The following CDH18 variants were observed in gnomAD, a reference collection of about 807,000 sequenced individuals.
CDH18 encodes cadherin 18, also known as cadherin-18.
A neutral mutation model predicts 67.9 loss-of-function variants in CDH18; 31 were observed. The observed-to-expected ratio is 0.46, with a 90% CI of 0.34 to 0.62. The LOEUF is 0.62. Ranked by LOEUF, CDH18 falls within the 20% of genes least tolerant of loss-of-function variation. The probability of loss-of-function intolerance (pLI) is 0.01; values close to 1 mark genes in which losing one functional copy is unlikely to be tolerated. For synonymous variants in CDH18, 362 were observed against 347.2 expected (o/e 1.04, Z -0.48); for missense variants, 890 against 975.5 (o/e 0.91, Z 1.17).
At position 19,784,778 on chromosome 5, in the gene CDH18, C is replaced by A. The variant is rs536613516; in HGVS notation, c.229-37542G>T. Among the ~76,000 whole-genome samples, 4 of 152,220 alleles carry A rather than the reference C, an allele frequency of 2.6e-5. No individual in the cohort carries two copies. In the South Asian group the frequency reaches 8.3e-4, roughly 32 times the overall value. On this transcript the variant is annotated intron_variant, in intron 3 of 12. Transcript: ENST00000382275. ...GGAGAGACTAACTAGGAGTCTGACACCTTTTAAAATCTAAAAAGACACATT... is the reference window on the plus strand; with the variant it reads ...GGAGAGACTAACTAGGAGTCTGACAACTTTTAAAATCTAAAAAGACACATT...
chr5:20,418,242 A>ATTTTTTTTTTTTT (rs58308147), intron 1 of CDH18, among the ~76,000 whole-genome samples: 8,453 of 56,526 alleles, frequency 0.15, 1,817 homozygotes, highest in Non-Finnish European at 0.19. Flanking sequence ...CTGCTGGCTA[A>ATTTTTTTTTTTTT]TTTTTTTTTT....
intron 4 of CDH18, among the ~76,000 whole-genome samples, chr5:19,744,030 C>A (rs1362839751): frequency 6.6e-6 from 1 of 151,316 alleles, no homozygotes; most frequent in African/African-American, 2.4e-5. Context: ...ATATCATCCT[C>A]TATGCATTCA....
intron 1 of CDH18, among the ~76,000 whole-genome samples, chr5:20,452,014 C>T (rs772538994): frequency 2.0e-4 from 31 of 152,030 alleles, no homozygotes; most frequent in Admixed American, 1.1e-3. Context: ...ATACTTTATA[C>T]CATCAATGAT....
intron 5 of CDH18, among the ~76,000 whole-genome samples, chr5:19,657,264 G>A (rs552781719): frequency 6.6e-6 from 1 of 152,060 alleles, no homozygotes; most frequent in Non-Finnish European, 1.5e-5. Flanking sequence ...ATAAAAACTT[G>A]TGATTAAAAA....
chr5:19,928,620 A>C (rs896513133), intron 2 of CDH18, among the ~76,000 whole-genome samples: 2 of 152,166 alleles, frequency 1.3e-5, no homozygotes, highest in African/African-American at 4.8e-5. Flanking sequence ...GAGCTTGAGA[A>C]TGTGTTAAAA....
intron 2 of CDH18, among the ~76,000 whole-genome samples, chr5:19,890,514 G>A (rs1036885796): frequency 1.3e-5 from 2 of 151,814 alleles, no homozygotes; most frequent in East Asian, 1.9e-4. Context: ...GGCTTGCTGA[G>A]AAACGACACA....
At chr5:20,476,102 C>A (rs1055354134) in intron 1 of CDH18, among the ~76,000 whole-genome samples, 1 of 152,098 alleles carries the variant, frequency 6.6e-6, no homozygotes, top group Non-Finnish European at 1.5e-5. Flanking sequence ...TCAATCCATG[C>A]AATTTAAATA....
chr5:19,813,288 A>T (rs993664298), intron 3 of CDH18, among the ~76,000 whole-genome samples: 40 of 152,168 alleles, frequency 2.6e-4, no homozygotes, highest in Non-Finnish European at 1.3e-4. Context: ...TTAAAGTATA[A>T]TAAAAAAAAT....
At chr5:19,934,324 T>A (rs1794016500) in intron 2 of CDH18, among the ~76,000 whole-genome samples, 2 of 151,616 alleles carry the variant, frequency 1.3e-5, no homozygotes, top group South Asian at 4.1e-4. Flanking sequence ...TAAGTCTGAA[T>A]TCATATATAA....
At chr5:19,611,309 C>T (rs539319367) in intron 6 of CDH18, among the ~76,000 whole-genome samples, 1 of 151,828 alleles carries the variant, frequency 6.6e-6, no homozygotes, top group Admixed American at 6.6e-5. Flanking sequence ...ATAACACGAA[C>T]AAGCATGCAA....
chr5:20,008,707 T>G (rs1383298032), intron 2 of CDH18, among the ~76,000 whole-genome samples: 1 of 152,116 alleles, frequency 6.6e-6, no homozygotes, highest in Non-Finnish European at 1.5e-5. Context: ...TAAACACAAG[T>G]TTGCTGCCAA....
intron 2 of CDH18, among the ~76,000 whole-genome samples, chr5:19,902,830 G>A (rs1259486334): frequency 6.6e-6 from 1 of 152,100 alleles, no homozygotes; most frequent in Non-Finnish European, 1.5e-5. Context: ...TCTAAAGTGG[G>A]CCTTATCTAT....
chr5:20,161,045 C>T (rs1447401868), intron 2 of CDH18, among the ~76,000 whole-genome samples: 1 of 152,092 alleles, frequency 6.6e-6, no homozygotes, highest in Non-Finnish European at 1.5e-5. Context: ...TACAACAGAA[C>T]TGAGTGTTTG....
chr5:20,025,530 A>G (rs1216753014), intron 2 of CDH18, among the ~76,000 whole-genome samples: 1 of 152,196 alleles, frequency 6.6e-6, no homozygotes. Flanking sequence ...TATACTTCAA[A>G]GTAGTGAATG....
intron 7 of CDH18, among the ~76,000 whole-genome samples, chr5:19,573,413 G>C (rs1290459988): frequency 6.6e-6 from 1 of 152,054 alleles, no homozygotes; most frequent in Non-Finnish European, 1.5e-5. Flanking sequence ...CGAGTAGCTG[G>C]AACTACAGGC....
chr5:19,880,006 T>G (rs1228065346), intron 2 of CDH18, among the ~76,000 whole-genome samples: 1 of 152,070 alleles, frequency 6.6e-6, no homozygotes, highest in Non-Finnish European at 1.5e-5. Context: ...AATGTATTTC[T>G]ATTTAGGGGC....
At chr5:20,151,749 A>G (rs1751123700) in intron 2 of CDH18, among the ~76,000 whole-genome samples, 1 of 152,086 alleles carries the variant, frequency 6.6e-6, no homozygotes, top group Admixed American at 6.6e-5. Context: ...TATCCTTTCA[A>G]TAATTTATGA....
intron 3 of CDH18, among the ~76,000 whole-genome samples, chr5:19,776,912 G>C (rs1774452197): frequency 1.3e-5 from 2 of 152,148 alleles, no homozygotes; most frequent in African/African-American, 4.8e-5. Flanking sequence ...ATTATGTCCA[G>C]TAACAAAAAC....
chr5:19,971,665 G>A (rs973811953), intron 2 of CDH18, among the ~76,000 whole-genome samples: 4 of 151,936 alleles, frequency 2.6e-5, no homozygotes, highest in Admixed American at 1.3e-4. Flanking sequence ...ACACATAGAG[G>A]AGAACAACAC....
Sources: gnomAD v4.1 joint callset for allele counts (sites outside exome capture counted in the v4.1 genomes callset) on GRCh38, gnomAD v4.1.1 for gene constraint, MANE v1.5 for transcripts, NCBI Gene and HGNC (gene_info 2026-07-23, HGNC 2026-07-21) for gene names.